The following PARVA variants were observed in gnomAD, a reference collection of about 807,000 sequenced individuals.
The protein encoded by PARVA is parvin alpha.
PARVA carries 25 observed loss-of-function variants against 52.6 expected under a neutral mutation model. The ratio of observed to expected loss-of-function variants is 0.48; its 90% CI spans 0.35 to 0.66. The LOEUF (loss-of-function observed/expected upper bound fraction) is 0.66, where lower values mean the gene tolerates loss of function less well. Among genes scored for constraint, PARVA ranks in the 30% least tolerant of loss-of-function variants. The pLI is 0.01. For synonymous variants in PARVA, 185 were observed against 179.1 expected (o/e 1.03, Z -0.26); for missense variants, 373 against 450.9 (o/e 0.83, Z 1.56).
At chr11:12,425,858 C>A (rs1251750537) in intron 1 of PARVA, among the ~76,000 whole-genome samples, 1 of 152,194 alleles carries the variant, frequency 6.6e-6, no homozygotes, top group African/African-American at 2.4e-5. Flanking sequence ...CGTTACCAGG[C>A]AGAGCCAGTA....
At chr11:12,449,951 C>T (rs1247572839) in intron 1 of PARVA, among the ~76,000 whole-genome samples, 2 of 152,208 alleles carry the variant, frequency 1.3e-5, no homozygotes, top group East Asian at 1.9e-4. Flanking sequence ...TCACCACTAG[C>T]GACTAACATT....
chr11:12,506,333 G>C (rs755336378), intron 6 of PARVA, among the ~76,000 whole-genome samples: 7 of 152,186 alleles, frequency 4.6e-5, no homozygotes, highest in Non-Finnish European at 8.8e-5. Context: ...CACTAGAGGA[G>C]ATAAATACTT....
chr11:12,394,884 G>A (rs895749098), intron 1 of PARVA, among the ~76,000 whole-genome samples: 7 of 152,174 alleles, frequency 4.6e-5, no homozygotes, highest in African/African-American at 1.7e-4. Context: ...CTGTGGTCAC[G>A]AATTCTAGAC....
In PARVA at chr11:12,463,101, C is replaced by T. The variant is rs146158280; in HGVS notation, c.137-10644C>T. On this transcript the variant is annotated intron_variant, in intron 1 of 12. Transcript: ENST00000334956. ...AATTGCAAAGGGAGTACAGAGTTTTCGTATATCCCACGCCCACTTTTTTTT... is the reference window on the plus strand; with the variant it reads ...AATTGCAAAGGGAGTACAGAGTTTTTGTATATCCCACGCCCACTTTTTTTT... Among the ~76,000 whole-genome samples, 383 of 151,608 alleles carry T rather than the reference C, an allele frequency of 2.5e-3. 1 individual carries two copies. Among genetic ancestry groups the T allele is most frequent in the African/African-American group, 8.7e-3 (359 of 41,400 alleles).
At chr11:12,490,230 AAAGTT>A (rs1941216868) in intron 4 of PARVA, among the ~76,000 whole-genome samples, 1 of 147,082 alleles carries the variant, frequency 6.8e-6, no homozygotes, top group South Asian at 2.2e-4. Context: ...AAAAAAAAAA[AAAGTT>A]AGGAGAGGCG....
At chr11:12,424,524 C>G (rs1296959965) in intron 1 of PARVA, among the ~76,000 whole-genome samples, 1 of 152,142 alleles carries the variant, frequency 6.6e-6, no homozygotes, top group Non-Finnish European at 1.5e-5. Flanking sequence ...ATAAAAAATT[C>G]AGTCCTTCAG....
intron 1 of PARVA, among the ~76,000 whole-genome samples, chr11:12,457,362 C>CTGTT (rs1388363797): frequency 1.3e-5 from 2 of 152,218 alleles, no homozygotes; most frequent in African/African-American, 2.4e-5. Flanking sequence ...CAATGTTTTG[C>CTGTT]TGTTTCCAAT....
rs1035031380 is a variant in PARVA, at chr11:12,422,801, A to G, written c.136+45018A>G. On this transcript the variant is annotated intron_variant, in intron 1 of 12. Coordinates refer to ENST00000334956, the MANE Select transcript of PARVA (RefSeq NM_018222.5). ...TTTGGATTATAAATATTTATCCATT[A>G]TATTTATCATAATTTAAAATTTTGG... 3.9e-5 allele frequency among the ~76,000 whole-genome samples: 6 copies of G among 152,266 alleles called. No individual in the cohort carries two copies. The East Asian group carries it at 7.7e-4, about 20-fold the overall frequency.
intron 1 of PARVA, among the ~76,000 whole-genome samples, chr11:12,455,729 G>C (rs1209404243): frequency 4.6e-5 from 7 of 152,108 alleles, no homozygotes; most frequent in African/African-American, 1.7e-4. Flanking sequence ...CCACAGTCCA[G>C]GTGCTGTGAG....
At chr11:12,462,251 G>C (rs1295619338) in intron 1 of PARVA, among the ~76,000 whole-genome samples, 2 of 152,186 alleles carry the variant, frequency 1.3e-5, no homozygotes, top group Non-Finnish European at 2.9e-5. Context: ...TACTTTATGT[G>C]GCAAAGGGGA....
intron 6 of PARVA, among the ~76,000 whole-genome samples, 176 bp downstream of exon 6, chr11:12,504,605 G>A (rs1361673908): frequency 6.6e-6 from 1 of 152,154 alleles, no homozygotes; most frequent in Non-Finnish European, 1.5e-5. Context: ...GCTTCCCCTG[G>A]TAAGTGTACA....
intron 1 of PARVA, among the ~76,000 whole-genome samples, chr11:12,468,590 A>G (rs535153480): frequency 4.1e-4 from 62 of 152,238 alleles, no homozygotes; most frequent in African/African-American, 1.4e-3. Context: ...CTAGAAAAAT[A>G]CCTCTTCTAA....
chr11:12,458,470 T>C (rs1940727958), intron 1 of PARVA, among the ~76,000 whole-genome samples: 1 of 152,240 alleles, frequency 6.6e-6, no homozygotes, highest in Admixed American at 6.5e-5. Context: ...ATTGGCCTAG[T>C]GTCATATATG....
At position 12,439,838 on chromosome 11, in the gene PARVA, G is replaced by A. The variant is rs927832314; in HGVS notation, c.137-33907G>A. On this transcript the variant is annotated intron_variant, in intron 1 of 12. Transcript: ENST00000334956. ...TTTCTTCTTCCTGAATGTTCCCTAT[G>A]TATTTGCATAACTGGCTCCTTCACT... 7.2e-5 allele frequency among the ~76,000 whole-genome samples: 11 copies of A among 152,212 alleles called. No homozygotes were observed. In the East Asian group the frequency reaches 1.4e-3, roughly 19 times the overall value.
chr11:12,507,824 C>A (rs956540952), intron 6 of PARVA, among the ~76,000 whole-genome samples: 4 of 152,082 alleles, frequency 2.6e-5, no homozygotes, highest in African/African-American at 9.7e-5. Context: ...TCTTCTATCC[C>A]GATTGACTTT....
chr11:12,517,793 G>GA, intron 11 of PARVA, 82 bp downstream of exon 11: 3 of 950,344 alleles, frequency 3.2e-6, no homozygotes, highest in Non-Finnish European at 3.3e-6. Flanking sequence ...GGGCTATCCA[G>GA]AAAAAAGGCA....
chr11:12,421,020 T>TC, intron 1 of PARVA, among the ~76,000 whole-genome samples: 1 of 151,862 alleles, frequency 6.6e-6, no homozygotes, highest in Non-Finnish European at 1.5e-5. Context: ...TTAGGACTTT[T>TC]TTTTTTTTTG....
At chr11:12,416,259 G>C (rs1940065012) in intron 1 of PARVA, among the ~76,000 whole-genome samples, 1 of 152,184 alleles carries the variant, frequency 6.6e-6, no homozygotes, top group Non-Finnish European at 1.5e-5. Flanking sequence ...GGCAACGTTA[G>C]GGCTGGTTGA....
chr11:12,435,231 CT>C (rs535328212), intron 1 of PARVA, among the ~76,000 whole-genome samples: 2 of 152,314 alleles, frequency 1.3e-5, no homozygotes, highest in East Asian at 1.9e-4. Context: ...AGGCTCCCCC[CT>C]CTCTCTGATC....
Sources: allele counts gnomAD v4.1 joint callset (sites outside exome capture counted in the v4.1 genomes callset), GRCh38; gene constraint gnomAD v4.1.1; transcripts MANE v1.5; gene names NCBI Gene and HGNC (gene_info 2026-07-23, HGNC 2026-07-21).